MET: variants seen among roughly 807,000 people sequenced by gnomAD.
The protein encoded by MET is hepatocyte growth factor receptor.
A neutral mutation model predicts 133.1 loss-of-function variants in MET; 48 were observed. That is an observed-to-expected ratio of 0.36 (90% confidence interval 0.29 to 0.46). The LOEUF is 0.46. MET is among the 20% of genes least tolerant of loss of function. The probability of loss-of-function intolerance (pLI) is 1.00; values close to 1 mark genes in which losing one functional copy is unlikely to be tolerated. For missense variants in MET, 1,442 were observed against 1,695.9 expected, an observed-to-expected ratio of 0.85 and a Z score of 2.63; for synonymous variants, 628 against 616.5, an observed-to-expected ratio of 1.02 and a Z score of -0.28.
intron 19 of MET, among the ~76,000 whole-genome samples, chr7:116,789,744 C>T (rs970759579): frequency 2.0e-5 from 3 of 152,122 alleles, no homozygotes; most frequent in South Asian, 2.1e-4. Flanking sequence ...GTAGTAGTAA[C>T]GTATCAGTAA....
At position 116,763,064 on chromosome 7, in the gene MET, C is replaced by T. The variant is rs1794458829; in HGVS notation, c.2379C>T (p.Arg793=). ...TCTTTCTCTAGGCATGTCAACATCG[C>T]TCTAATTCAGAGATAATCTGTTGTA... ...GRNFTVACQH[R]SNSEIICCTT... is the part of the protein sequence containing the mutation. The change falls in exon 11 of 21, where the codon CGC becomes CGT. Residue 793 remains arginine, a synonymous_variant. Coordinates refer to ENST00000397752, the MANE Select transcript of MET (RefSeq NM_000245.4). The T allele has an allele frequency of 1.2e-6, 2 of 1,613,966 alleles. No individual in the cohort carries two copies. The highest frequency in any genetic ancestry group is 8.5e-7 in the Non-Finnish European group (1 of 1,179,910).
chr7:116,726,155 A>ACACACACAC (rs1792761914), intron 2 of MET, among the ~76,000 whole-genome samples: 2 of 116,456 alleles, frequency 1.7e-5, no homozygotes, highest in African/African-American at 6.4e-5. Flanking sequence ...ATATATATAT[A>ACACACACAC]TATATATATA....
chr7:116,754,941 A>AAG (rs761110329), intron 5 of MET, among the ~76,000 whole-genome samples: 1 of 127,302 alleles, frequency 7.9e-6, no homozygotes, highest in East Asian at 2.5e-4. Context: ...GAAAGAAAGA[A>AAG]AGAAAGAAAG....
intron 2 of MET, among the ~76,000 whole-genome samples, chr7:116,727,147 T>G (rs548489508): frequency 6.6e-6 from 1 of 152,178 alleles, no homozygotes; most frequent in African/African-American, 2.4e-5. Context: ...TTCCAGAAAA[T>G]AAAGATTAAT....
intron 2 of MET, among the ~76,000 whole-genome samples, chr7:116,707,666 G>A (rs908399541): frequency 1.3e-5 from 2 of 152,128 alleles, no homozygotes; most frequent in Non-Finnish European, 2.9e-5. Flanking sequence ...TATAGGTGAA[G>A]TCATGCTCAG....
At chr7:116,712,889 T>C (rs1792051246) in intron 2 of MET, among the ~76,000 whole-genome samples, 1 of 152,220 alleles carries the variant, frequency 6.6e-6, no homozygotes, top group African/African-American at 2.4e-5. Context: ...GAATACTTTC[T>C]CTGCTCCCGT....
intron 14 of MET, among the ~76,000 whole-genome samples, chr7:116,774,430 C>A (rs1363270849): frequency 3.9e-5 from 6 of 152,118 alleles, no homozygotes; most frequent in Non-Finnish European, 1.5e-5. Context: ...TGTATTTTTC[C>A]CTTGGCCAGG....
intron 4 of MET, among the ~76,000 whole-genome samples, chr7:116,740,549 T>C (rs534924166): frequency 4.4e-4 from 67 of 152,360 alleles, no homozygotes; most frequent in Non-Finnish European, 7.6e-4. Flanking sequence ...CTCTTGTTAT[T>C]TTAAAATCAT....
At chr7:116,714,930 T>C (rs1792135000) in intron 2 of MET, among the ~76,000 whole-genome samples, 1 of 152,236 alleles carries the variant, frequency 6.6e-6, no homozygotes, top group Non-Finnish European at 1.5e-5. Flanking sequence ...TGGATGACCT[T>C]ACTTATGAAC....
intron 2 of MET, among the ~76,000 whole-genome samples, chr7:116,714,741 G>GCACACACA (rs1331223041): frequency 1.7e-5 from 2 of 116,422 alleles, no homozygotes; most frequent in Non-Finnish European, 3.8e-5. Flanking sequence ...ACACTCACAT[G>GCACACACA]CACGCACACA....
intron 5 of MET, among the ~76,000 whole-genome samples, chr7:116,742,957 A>G (rs1260495920): frequency 6.6e-6 from 1 of 152,234 alleles, no homozygotes; most frequent in Non-Finnish European, 1.5e-5. Context: ...ATGGCCGAGT[A>G]GGAACAGCTC....
rs529146979 is a variant in MET at position 116,716,956 on chromosome 7, G to GC, written c.1201-14704dup. Among the ~76,000 whole-genome samples, 83 of 151,676 alleles carry GC rather than the reference G, an allele frequency of 5.5e-4. 1 individual carries two copies. The highest frequency in any genetic ancestry group is 8.4e-4 in the South Asian group (4 of 4,778). ...AAGAAATTGAAGCCTCTTAAATTTT[G>GC]CCCCCCCCAGCTTTGCTCCCTTGCT... On this transcript the variant is annotated intron_variant, in intron 2 of 20. Transcript: ENST00000397752.
At chr7:116,759,559 G>C in intron 10 of MET, 69 bp downstream of exon 10, 1 of 1,541,536 alleles carries the variant, frequency 6.5e-7, no homozygotes, top group Non-Finnish European at 8.9e-7. Context: ...GGCTTTCATG[G>C]TACCTGAGAC....
At chr7:116,681,099 G>C (rs1206822415) in intron 1 of MET, among the ~76,000 whole-genome samples, 1 of 152,058 alleles carries the variant, frequency 6.6e-6, no homozygotes, top group Admixed American at 6.5e-5. Flanking sequence ...TTTGATTCTG[G>C]AGAAAGATAG....
chr7:116,756,855 T>C (rs1794197114), intron 6 of MET, among the ~76,000 whole-genome samples: 1 of 152,206 alleles, frequency 6.6e-6, no homozygotes, highest in Non-Finnish European at 1.5e-5. Flanking sequence ...TATTATGCAC[T>C]ATTCAACTGG....
intron 11 of MET, among the ~76,000 whole-genome samples, chr7:116,765,276 G>A (rs1262121210): frequency 7.0e-6 from 1 of 142,798 alleles, no homozygotes; most frequent in African/African-American, 2.7e-5. Flanking sequence ...CTCCAGCCTG[G>A]GAGACAGAGC....
At chr7:116,690,023 G>A (rs1162057656) in intron 1 of MET, among the ~76,000 whole-genome samples, 4 of 152,054 alleles carry the variant, frequency 2.6e-5, no homozygotes, top group Non-Finnish European at 5.9e-5. Flanking sequence ...GCTAAAGGGT[G>A]GGAAAAGAAG....
At chr7:116,793,753 G>C (rs1259709770) in intron 19 of MET, among the ~76,000 whole-genome samples, 1 of 151,808 alleles carries the variant, frequency 6.6e-6, no homozygotes, top group Non-Finnish European at 1.5e-5. Context: ...ACAAAAATTA[G>C]CCTGGCATGG....
rs1794284441 is a variant in MET, at chr7:116,758,729, T to A, written c.2264+109T>A. 5.3e-6 allele frequency: 6 copies of A among 1,122,708 alleles called. No homozygotes were observed. In the Admixed American group the frequency reaches 1.0e-4, roughly 19 times the overall value. The allele number at this position is 1,122,708 out of a possible 1,614,324, so 69.5% of individuals were successfully genotyped here. On this transcript the variant is annotated intron_variant, in intron 9 of 20. Transcript: ENST00000397752. ...TTTATCTCTGGCTTTGATGCTGTTA[T>A]GTTGCTTTTGAAGGCTTCTTTCCAA...
Sources: allele counts gnomAD v4.1 joint callset (sites outside exome capture counted in the v4.1 genomes callset), GRCh38; gene constraint gnomAD v4.1.1; transcripts MANE v1.5; gene names NCBI Gene and HGNC (gene_info 2026-07-23, HGNC 2026-07-21).